The following USP30 variants were observed in gnomAD, a reference collection of about 807,000 sequenced individuals.
The protein encoded by USP30 is ubiquitin carboxyl-terminal hydrolase 30.
Under a neutral mutation model 68.2 loss-of-function variants are expected in USP30, and 41 were observed. That is an observed-to-expected ratio of 0.60 (90% CI 0.47 to 0.78). The LOEUF (loss-of-function observed/expected upper bound fraction) is 0.78. Among genes scored for constraint, USP30 ranks in the 30% least tolerant of loss-of-function variants. The pLI is 0.00. For synonymous variants in USP30, 229 were observed against 253.7 expected (o/e 0.90, Z 0.93); for missense variants, 522 against 649.4 (o/e 0.80, Z 2.13).
chr12:109,042,519 C>A (rs1052024922), intron 3 of USP30, among the ~76,000 whole-genome samples: 1 of 152,114 alleles, frequency 6.6e-6, no homozygotes, highest in Admixed American at 6.6e-5. Context: ...CCTAACAATA[C>A]GGAAAGAGCT....
At chr12:109,026,970 G>A (rs1360415511) in intron 2 of USP30, among the ~76,000 whole-genome samples, 1 of 152,160 alleles carries the variant, frequency 6.6e-6, no homozygotes, top group Admixed American at 6.6e-5. Flanking sequence ...ATCTCATCAT[G>A]TCAGCCCCAC....
intron 3 of USP30, among the ~76,000 whole-genome samples, chr12:109,035,763 A>C (rs1433191423): frequency 6.6e-6 from 1 of 152,196 alleles, no homozygotes; most frequent in Non-Finnish European, 1.5e-5. Context: ...TTAAGCTGTT[A>C]TTGTTAAGAT....
At position 109,086,135 on chromosome 12, in the gene USP30, G is replaced by A. The variant is rs914709156; in HGVS notation, c.*204G>A. The A allele has an allele frequency of 1.6e-6, 1 of 629,642 alleles. No homozygotes were observed. Among genetic ancestry groups the A allele is most frequent in the African/African-American group, 1.8e-5 (1 of 54,700 alleles). The allele number at this position is 629,642 out of a possible 1,614,324, so 39.0% of individuals were successfully genotyped here. On this transcript the variant is annotated 3_prime_UTR_variant, in exon 13 of 13. Transcript: ENST00000257548. The stretch of plus-strand genomic sequence containing the variant: ...ACAGTCCTGTTCATGTGTGTAGGTG[G>A]TTCTGTTGTGTTAAGAAAGCATTCA...
chr12:109,048,006 G>GT (rs1334902962), upstream of USP30, among the ~76,000 whole-genome samples: 1 of 151,376 alleles, frequency 6.6e-6, no homozygotes, highest in Non-Finnish European at 1.5e-5. Flanking sequence ...ACTCACCAGT[G>GT]TATCTCGGAG....
intron 1 of USP30, among the ~76,000 whole-genome samples, chr12:109,055,581 G>A (rs2040845024): frequency 6.8e-6 from 1 of 146,690 alleles, no homozygotes; most frequent in Non-Finnish European, 1.5e-5. Context: ...TGTATTTTTA[G>A]TAGAGACAGG....
At chr12:109,072,446 T>C in intron 6 of USP30, 96 bp downstream of exon 6, 1 of 1,191,778 alleles carries the variant, frequency 8.4e-7, no homozygotes, top group South Asian at 1.3e-5. Context: ...TCTGGTGACA[T>C]ACAGGCCAGC....
intron 6 of USP30, 133 bp downstream of exon 6, chr12:109,072,483 A>G: frequency 3.6e-6 from 3 of 830,272 alleles, no homozygotes; most frequent in Non-Finnish European, 5.8e-6. Context: ...TTGCAAAGGA[A>G]CTTGTATTTT....
In USP30 at chr12:109,064,427, G is replaced by A. The variant is rs114044915; in HGVS notation, c.377-3097G>A. On this transcript the variant is annotated intron_variant, in intron 3 of 12. Coordinates refer to ENST00000257548, the MANE Select transcript of USP30 (RefSeq NM_032663.5). ...CAACAGGTGTGCACCCATCACCCCC[G>A]GCTAATTTTTGGGTGTTTGCTGTTG... Among the ~76,000 whole-genome samples the A allele has an allele frequency of 1.9e-3, 289 of 152,072 alleles. 1 individual carries two copies. The highest frequency in any genetic ancestry group is 6.4e-3 in the African/African-American group (264 of 41,466).
intron 1 of USP30, chr12:109,054,034 A>T (rs1240406514): frequency 2.2e-6 from 1 of 456,034 alleles, no homozygotes; most frequent in South Asian, 1.5e-5. Context: ...GGGTTGTTTT[A>T]AAAATGAGGT....
At chr12:109,062,513 A>G (rs904661253) in intron 3 of USP30, among the ~76,000 whole-genome samples, 1 of 151,732 alleles carries the variant, frequency 6.6e-6, no homozygotes, top group Non-Finnish European at 1.5e-5. Context: ...TATTTTTAGT[A>G]GAGACGGGGT....
chr12:109,083,731 A>G (rs1439309771), intron 11 of USP30, among the ~76,000 whole-genome samples: 1 of 152,134 alleles, frequency 6.6e-6, no homozygotes, highest in Admixed American at 6.5e-5. Context: ...ACTCACTTGA[A>G]GGGCTCACAG....
upstream of USP30, among the ~76,000 whole-genome samples, chr12:109,050,662 GAGCACATGA>G (rs1566080635): frequency 6.6e-6 from 1 of 152,094 alleles, no homozygotes; most frequent in Non-Finnish European, 1.5e-5. Context: ...TGGGGCTATT[GAGCACATGA>G]AAAGTGGGTA....
chr12:109,047,142 T>A (rs1411113858), intron 3 of USP30, among the ~76,000 whole-genome samples: 2 of 150,828 alleles, frequency 1.3e-5, no homozygotes, highest in African/African-American at 4.9e-5. Flanking sequence ...CTCCAACGGG[T>A]TTAGTGTGAA....
At chr12:109,056,587 TG>T in intron 1 of USP30, 94 bp from the exon 2 acceptor site, 1 of 759,486 alleles carries the variant, frequency 1.3e-6, no homozygotes, top group Non-Finnish European at 2.1e-6. Context: ...AGGTATTTGG[TG>T]GGTTATTTTG....
At chr12:109,081,506 T>A (rs2041793477) in intron 8 of USP30, 113 bp downstream of exon 8, 2 of 1,078,650 alleles carry the variant, frequency 1.9e-6, no homozygotes, top group African/African-American at 3.2e-5. Flanking sequence ...GATACATGGT[T>A]GGTTGAACCC....
rs2041845541 is a variant in USP30, at chr12:109,082,925, A to G, written c.1031A>G (p.Gln344Arg). 1 of 1,614,124 alleles carries G rather than the reference A, an allele frequency of 6.2e-7. No homozygotes were observed. The highest frequency in any genetic ancestry group is 1.3e-5 in the African/African-American group (1 of 74,944). The change falls in exon 11 of 13, where the codon CAG becomes CGG. Residue 344 changes from glutamine to arginine, a missense_variant. Transcript: ENST00000257548. ...CCTCTGAAGCGGCATGAGCACGTGC[A>G]GTTCAATGAGTTCCTGATGATGGAC... is the stretch of plus-strand genomic sequence containing the variant. ...GTPLKRHEHV[Q>R]FNEFLMMDIY...
At chr12:109,080,838 T>C (rs2041775790) in intron 7 of USP30, among the ~76,000 whole-genome samples, 1 of 152,220 alleles carries the variant, frequency 6.6e-6, no homozygotes, top group African/African-American at 2.4e-5. Context: ...TAACATGTTA[T>C]ACAGGTTGGT....
At chr12:109,084,106 C>T (rs1365858105) in intron 11 of USP30, among the ~76,000 whole-genome samples, 2 of 152,136 alleles carry the variant, frequency 1.3e-5, no homozygotes, top group African/African-American at 2.4e-5. Flanking sequence ...CTCACACCTG[C>T]AATCCCAGCA....
chr12:109,064,152 A>G (rs1023679747), intron 3 of USP30, among the ~76,000 whole-genome samples: 27 of 151,922 alleles, frequency 1.8e-4, no homozygotes, highest in African/African-American at 5.1e-4. Context: ...GATTACAGGC[A>G]TGAGCCACCA....
Sources: gnomAD v4.1 joint callset for allele counts (sites outside exome capture counted in the v4.1 genomes callset) on GRCh38, gnomAD v4.1.1 for gene constraint, MANE v1.5 for transcripts, NCBI Gene and HGNC (gene_info 2026-07-23, HGNC 2026-07-21) for gene names.